Variants in NUP210L observed in about 807,000 individuals in gnomAD.
NUP210L encodes nuclear pore membrane glycoprotein 210-like.
In NUP210L, 74 loss-of-function variants were observed where a neutral mutation model predicts 208.5. That is an observed-to-expected ratio of 0.35 (90% CI 0.29 to 0.43). The LOEUF (loss-of-function observed/expected upper bound fraction) is 0.43, where lower values mean the gene tolerates loss of function less well. NUP210L is among the 20% of genes least tolerant of loss of function. NUP210L has a pLI of 1.00. For missense variants in NUP210L, 1,843 were observed against 2,289.4 expected (o/e 0.81, Z 3.98); for synonymous variants, 780 against 816.9 (o/e 0.95, Z 0.77).
intron 15 of NUP210L, among the ~76,000 whole-genome samples, chr1:154,092,630 A>C (rs1051070337): frequency 6.8e-6 from 1 of 147,806 alleles, no homozygotes; most frequent in Non-Finnish European, 1.5e-5. Context: ...CAAATGATCC[A>C]CCTGCCTCAG....
chr1:154,079,039 C>T (rs1042033255), intron 16 of NUP210L: 3 of 152,070 alleles, frequency 2.0e-5, no homozygotes, highest in Admixed American at 6.5e-5. Flanking sequence ...AATCCCAGAA[C>T]TTTGGGAGGC....
chr1:154,104,517 GA>G, intron 12 of NUP210L: 1 of 320,670 alleles, frequency 3.1e-6, no homozygotes, highest in Non-Finnish European at 5.9e-6. Context: ...GGCAGAGAGA[GA>G]ATCTGTGCAC....
chr1:154,117,806 C>A, exon 12 of NUP210L: 1 of 1,613,064 alleles, frequency 6.2e-7, no homozygotes. Context: ...CTGCAGTCAC[C>A]ACTCCTTTCG....
chr1:154,060,327 G>A (rs1295461267), intron 20 of NUP210L, among the ~76,000 whole-genome samples: 4 of 152,068 alleles, frequency 2.6e-5, no homozygotes, highest in Non-Finnish European at 5.9e-5. Context: ...TTCTTTTAAC[G>A]GAAATCTTCT....
rs1651761591 is a variant in NUP210L at position 154,024,786 on chromosome 1, C to T, written c.4122+756G>A. Among the ~76,000 whole-genome samples, 5 of 151,754 alleles carry T rather than the reference C, an allele frequency of 3.3e-5. No individual in the cohort carries two copies. In the South Asian group the frequency reaches 1.0e-3, roughly 32 times the overall value. ...GCCTCAAGTGATTCTCCTGCCTCAG[C>T]CTTCCAAAGTGCTGGGCTTACAGGC... is the stretch of plus-strand genomic sequence containing the variant. On this transcript the variant is annotated intron_variant, in intron 30 of 39. Coordinates refer to ENST00000368559, the Ensembl canonical transcript of NUP210L.
At chr1:154,093,756 T>C (rs1017126393) in intron 15 of NUP210L, among the ~76,000 whole-genome samples, 2 of 152,238 alleles carry the variant, frequency 1.3e-5, no homozygotes, top group Non-Finnish European at 2.9e-5. Context: ...TACCTTGAAT[T>C]CTCAAGCCCA....
intron 37 of NUP210L, chr1:153,995,959 A>G (rs1649831456): frequency 4.5e-6 from 2 of 442,970 alleles, no homozygotes; most frequent in Non-Finnish European, 8.7e-6. Flanking sequence ...TCAGCTAAAT[A>G]AAAAATGAAA....
At chr1:154,061,590 G>T (rs371048762) in exon 18 of NUP210L, 2 of 1,543,688 alleles carry the variant, frequency 1.3e-6, no homozygotes, top group Non-Finnish European at 1.8e-6. Flanking sequence ...ACTCACTTTT[G>T]GGCTTTTCTT....
intron 33 of NUP210L, among the ~76,000 whole-genome samples, chr1:154,015,722 AACACAC>A (rs372823301): frequency 2.8e-5 from 4 of 144,360 alleles, no homozygotes; most frequent in Admixed American, 7.1e-5. Context: ...TCTGTCTCAA[AACACAC>A]ACACACACAC....
intron 16 of NUP210L, among the ~76,000 whole-genome samples, chr1:154,075,988 C>G (rs1655011085): frequency 6.6e-6 from 1 of 151,548 alleles, no homozygotes; most frequent in Admixed American, 6.6e-5. Flanking sequence ...GGGGTTTTGC[C>G]ATGTCACTCA....
intron 27 of NUP210L, among the ~76,000 whole-genome samples, chr1:154,036,314 ATGTGTGTGTGTGTGTGTGTGTGTG>A (rs57011341): frequency 2.8e-5 from 3 of 108,158 alleles, no homozygotes; most frequent in African/African-American, 7.2e-5. Context: ...CAGTTGGAAC[ATGTGTGTGTGTGTGTGTGTGTGTG>A]TGTGTGTGTG....
rs778988820 is a variant in NUP210L, at chr1:154,056,810, C to T, written c.3240+5G>A. The T allele has an allele frequency of 6.4e-7, 1 of 1,556,222 alleles. No homozygotes were observed. Among genetic ancestry groups the T allele is most frequent in the East Asian group, 2.4e-5 (1 of 42,316 alleles). On this transcript the variant is annotated splice_donor_5th_base_variant and intron_variant, in intron 23 of 39. Coordinates refer to ENST00000368559, the Ensembl canonical transcript of NUP210L. ...TACAAATTTTGGATGAGATAATTTC[C>T]TTACTTCAATGTGCCGAGGAGTTGA...
chr1:154,087,682 A>G (rs967812394), intron 16 of NUP210L, among the ~76,000 whole-genome samples: 5 of 152,340 alleles, frequency 3.3e-5, no homozygotes, highest in Admixed American at 3.3e-4. Context: ...AGGTGGAAAC[A>G]ACACATATAT....
chr1:153,994,007 A>G (rs1649665008), intron 38 of NUP210L, among the ~76,000 whole-genome samples: 1 of 152,162 alleles, frequency 6.6e-6, no homozygotes, highest in Non-Finnish European at 1.5e-5. Flanking sequence ...CTTCCCTAGT[A>G]GCTGGGACTA....
chr1:154,063,992 G>A (rs1654269593), intron 17 of NUP210L, among the ~76,000 whole-genome samples: 1 of 148,744 alleles, frequency 6.7e-6, no homozygotes, highest in Non-Finnish European at 1.5e-5. Flanking sequence ...TACATAATAT[G>A]TATATATTAT....
rs1397097251 is a variant in NUP210L at position 154,094,916 on chromosome 1, T to TA, written c.2187+18dup. ...GAGTATTACACTAAAGAAAATGTTA[T>TA]AAAAAACTGTTTTCCTACTTGTTCC... On this transcript the variant is annotated intron_variant, in intron 15 of 39. Coordinates refer to ENST00000368559, the Ensembl canonical transcript of NUP210L. 1.9e-6 allele frequency: 3 copies of TA among 1,588,032 alleles called. No homozygotes were observed. The highest frequency in any genetic ancestry group is 8.6e-7 in the Non-Finnish European group (1 of 1,156,774).
At chr1:154,051,276 C>T (rs1042977389) in intron 25 of NUP210L, among the ~76,000 whole-genome samples, 5 of 152,048 alleles carry the variant, frequency 3.3e-5, no homozygotes, top group African/African-American at 1.2e-4. Context: ...GTGGCGTGAT[C>T]TTGGCTCACT....
chr1:154,151,542 A>G lies in NUP210L; in HGVS notation c.340+1194T>C, dbSNP rs766953494. On this transcript the variant is annotated intron_variant, in intron 2 of 39. Coordinates refer to ENST00000368559, the Ensembl canonical transcript of NUP210L. Reference sequence around the variant, plus strand: ...CCAAAAGGTTAAAGGGAGTGGGGGAAAAGTGATGACTCAGATGTACTAGGA... The same window carrying G: ...CCAAAAGGTTAAAGGGAGTGGGGGAGAAGTGATGACTCAGATGTACTAGGA... Among the ~76,000 whole-genome samples the G allele has an allele frequency of 9.2e-5, 14 of 152,204 alleles. 1 individual carries two copies. The highest frequency in any genetic ancestry group is 1.8e-4 in the Non-Finnish European group (12 of 68,040).
chr1:154,036,466 G>A (rs1257220673), intron 27 of NUP210L, among the ~76,000 whole-genome samples: 1 of 147,898 alleles, frequency 6.8e-6, no homozygotes, highest in Non-Finnish European at 1.5e-5. Flanking sequence ...CTGGATTCAA[G>A]CAAGTCTCCT....
Sources: gnomAD v4.1 joint callset for allele counts (sites outside exome capture counted in the v4.1 genomes callset) on GRCh38, gnomAD v4.1.1 for gene constraint, MANE v1.5 for transcripts, NCBI Gene and HGNC (gene_info 2026-07-23, HGNC 2026-07-21) for gene names.